Variants in LPP observed in about 807,000 individuals in gnomAD.
LPP encodes lipoma-preferred partner.
A neutral mutation model predicts 60.4 loss-of-function variants in LPP; 38 were observed. The ratio of observed to expected loss-of-function variants is 0.63; its 90% CI spans 0.49 to 0.83. LPP has a LOEUF of 0.83. Ranked by LOEUF, LPP falls within the 40% of genes least tolerant of loss-of-function variation. The pLI is 0.00. For synonymous variants in LPP, 328 were observed against 290.8 expected, an observed-to-expected ratio of 1.13 and a Z score of -1.30; for missense variants, 902 against 783.6, an observed-to-expected ratio of 1.15 and a Z score of -1.80.
intron 1 of LPP, among the ~76,000 whole-genome samples, chr3:188,163,173 G>T (rs929654346): frequency 6.6e-6 from 1 of 152,132 alleles, no homozygotes; most frequent in African/African-American, 2.4e-5. Flanking sequence ...TTCTACTGTT[G>T]TAATTGCTTG....
intron 8 of LPP, among the ~76,000 whole-genome samples, chr3:188,745,815 T>C (rs570838515): frequency 6.6e-6 from 1 of 152,248 alleles, no homozygotes; most frequent in South Asian, 2.1e-4. Flanking sequence ...TCCTCAAAAC[T>C]GTGGAGTTCT....
chr3:188,776,658 C>A (rs1474554362), intron 9 of LPP, among the ~76,000 whole-genome samples: 1 of 152,164 alleles, frequency 6.6e-6, no homozygotes, highest in East Asian at 1.9e-4. Flanking sequence ...TGCTGCCTGT[C>A]CTATTCTGAT....
chr3:188,291,988 C>T (rs887294699), intron 2 of LPP, among the ~76,000 whole-genome samples: 1 of 152,238 alleles, frequency 6.6e-6, no homozygotes, highest in African/African-American at 2.4e-5. Context: ...TAAAAATGCC[C>T]ATTTTAATTT....
chr3:188,782,714 T>C (rs1411776534), intron 9 of LPP, among the ~76,000 whole-genome samples: 1 of 151,186 alleles, frequency 6.6e-6, no homozygotes, highest in Non-Finnish European at 1.5e-5. Context: ...GTCTTTTGCT[T>C]GCCAGAACAG....
intron 7 of LPP, among the ~76,000 whole-genome samples, chr3:188,702,908 C>G (rs1288240889): frequency 4.6e-5 from 7 of 152,102 alleles, no homozygotes; most frequent in Admixed American, 3.3e-4. Context: ...ATATCAAAAC[C>G]CCGAGAGGCA....
At chr3:188,454,104 G>A (rs1797210748) in intron 4 of LPP, among the ~76,000 whole-genome samples, 1 of 152,216 alleles carries the variant, frequency 6.6e-6, no homozygotes, top group African/African-American at 2.4e-5. Context: ...GGCAGGTACA[G>A]TTACTATTCC....
chr3:188,313,657 T>G (rs1414240490), intron 2 of LPP, among the ~76,000 whole-genome samples: 8 of 146,872 alleles, frequency 5.4e-5, no homozygotes, highest in Admixed American at 2.1e-4. Flanking sequence ...AAAAATAAAA[T>G]AAAATAATGT....
At chr3:188,450,465 C>T (rs568038480) in intron 4 of LPP, among the ~76,000 whole-genome samples, 6 of 152,126 alleles carry the variant, frequency 3.9e-5, no homozygotes, top group African/African-American at 1.4e-4. Flanking sequence ...GATTTACAGG[C>T]CTGGTGCGGT....
chr3:188,607,255 G>T (rs1455970053), intron 6 of LPP, among the ~76,000 whole-genome samples: 1 of 150,508 alleles, frequency 6.6e-6, no homozygotes, highest in Non-Finnish European at 1.5e-5. Context: ...CTCACTATTA[G>T]AGCTCTCTTT....
At chr3:188,160,260 T>A (rs1380462730) in intron 1 of LPP, among the ~76,000 whole-genome samples, 6 of 151,628 alleles carry the variant, frequency 4.0e-5, no homozygotes, top group Admixed American at 3.9e-4. Context: ...AATGGCCCGA[T>A]CTCGGCTCAC....
intron 6 of LPP, among the ~76,000 whole-genome samples, chr3:188,532,082 A>G (rs1822326856): frequency 6.6e-6 from 1 of 152,172 alleles, no homozygotes; most frequent in Non-Finnish European, 1.5e-5. Flanking sequence ...CAGTTGATGT[A>G]TGAAAAAAAC....
At chr3:188,756,571 G>A (rs1730327305) in intron 8 of LPP, among the ~76,000 whole-genome samples, 1 of 152,214 alleles carries the variant, frequency 6.6e-6, no homozygotes, top group African/African-American at 2.4e-5. Flanking sequence ...CTATGCTTGA[G>A]TAACTTTCTC....
intron 7 of LPP, among the ~76,000 whole-genome samples, chr3:188,703,764 T>G (rs1864943800): frequency 6.6e-6 from 1 of 152,332 alleles, no homozygotes; most frequent in East Asian, 1.9e-4. Context: ...ACAAAAAGAA[T>G]GATAACGTTT....
At chr3:188,306,904 C>T (rs1751715451) in intron 2 of LPP, among the ~76,000 whole-genome samples, 1 of 152,198 alleles carries the variant, frequency 6.6e-6, no homozygotes, top group African/African-American at 2.4e-5. Flanking sequence ...TCAGTAGCAT[C>T]AACTTTGGCT....
intron 6 of LPP, among the ~76,000 whole-genome samples, chr3:188,569,464 T>G (rs943618629): frequency 3.3e-5 from 5 of 152,034 alleles, no homozygotes; most frequent in African/African-American, 1.2e-4. Context: ...TATGTAGAAT[T>G]CCCCATCAGA....
intron 5 of LPP, among the ~76,000 whole-genome samples, chr3:188,515,212 T>A (rs897713970): frequency 1.3e-5 from 2 of 152,118 alleles, no homozygotes; most frequent in African/African-American, 4.8e-5. Context: ...TTTAGTGCCA[T>A]CCCCTTGGTA....
At chr3:188,554,334 CTTCTT>C (rs1264943650) in intron 6 of LPP, among the ~76,000 whole-genome samples, 1 of 152,136 alleles carries the variant, frequency 6.6e-6, no homozygotes, top group Non-Finnish European at 1.5e-5. Context: ...TCAAATGTGA[CTTCTT>C]TTCTAACTTG....
intron 6 of LPP, among the ~76,000 whole-genome samples, chr3:188,579,360 A>G (rs1835509519): frequency 1.3e-5 from 2 of 152,374 alleles, no homozygotes; most frequent in South Asian, 2.1e-4. Flanking sequence ...GTTCCACCCA[A>G]TCTCTATGAC....
At chr3:188,824,217 A>G (rs74601415) in intron 9 of LPP, among the ~76,000 whole-genome samples, 3,571 of 152,288 alleles carry the variant, frequency 0.023, 56 homozygotes, top group Middle Eastern at 0.048. Flanking sequence ...CGTGAGATTT[A>G]AAAGAAATGA....
Sources: allele counts gnomAD v4.1 joint callset (sites outside exome capture counted in the v4.1 genomes callset), GRCh38; gene constraint gnomAD v4.1.1; transcripts MANE v1.5; gene names NCBI Gene and HGNC (gene_info 2026-07-23, HGNC 2026-07-21).